Variants in PTPN11 observed in about 807,000 individuals in gnomAD.
PTPN11 encodes protein tyrosine phosphatase non-receptor type 11.
Under a neutral mutation model 78.8 loss-of-function variants are expected in PTPN11, and 6 were observed. The ratio of observed to expected loss-of-function variants is 0.08; its 90% CI spans 0.04 to 0.15. The LOEUF is 0.15. PTPN11 is among the 10% of genes least tolerant of loss of function. The pLI, the probability that PTPN11 is intolerant of heterozygous loss-of-function variation, is 1.00. For synonymous variants in PTPN11, 221 were observed against 263.5 expected (o/e 0.84, Z 1.56); for missense variants, 386 against 744.8 (o/e 0.52, Z 5.61).
chr12:112,481,868 C>T (rs1264923169), intron 9 of PTPN11, among the ~76,000 whole-genome samples: 1 of 152,182 alleles, frequency 6.6e-6, no homozygotes, highest in Non-Finnish European at 1.5e-5. Context: ...AGCTGCCTTT[C>T]TCCTCCCACT....
At position 112,504,916 on chromosome 12, in the gene PTPN11, G is replaced by T. The variant is rs2038915467; in HGVS notation, c.*32+120G>T. The T allele has an allele frequency of 1.5e-6, 1 of 667,386 alleles. No individual in the cohort carries two copies. 41.3% of individuals were successfully genotyped at this position (667,386 alleles called of 1,614,324 possible). On this transcript the variant is annotated intron_variant, in intron 15 of 15. Coordinates refer to ENST00000351677, the MANE Select transcript of PTPN11 (RefSeq NM_002834.5). This position sits in a 1 kb window ranked among gnomAD's most constrained non-coding sequence, Gnocchi z 4.7. ...ACCATAATTGAGTTTTACAAACCAGGCTCCTTTTTCCTCTCCCTGTACTTC... is the reference window on the plus strand; with the variant it reads ...ACCATAATTGAGTTTTACAAACCAGTCTCCTTTTTCCTCTCCCTGTACTTC...
intron 6 of PTPN11, among the ~76,000 whole-genome samples, 162 bp from the exon 7 acceptor site, chr12:112,472,782 T>G (rs1431417713): frequency 2.0e-5 from 3 of 152,210 alleles, no homozygotes; most frequent in Admixed American, 2.0e-4. Flanking sequence ...ATTACAGGTG[T>G]AAGCCATCAC....
At chr12:112,442,579 G>A (rs1389544480) in intron 1 of PTPN11, among the ~76,000 whole-genome samples, 2 of 151,492 alleles carry the variant, frequency 1.3e-5, no homozygotes, top group Non-Finnish European at 2.9e-5. Flanking sequence ...AGCCCCCTGA[G>A]TAGTTGGGAC....
chr12:112,478,459 C>T (rs750186216), intron 9 of PTPN11, among the ~76,000 whole-genome samples: 31 of 151,958 alleles, frequency 2.0e-4, no homozygotes, highest in South Asian at 1.0e-3. Flanking sequence ...AGCAGTCATA[C>T]GTGTATTAGA....
chr12:112,482,842 GGT>G lies in PTPN11; in HGVS notation c.1224+639_1224+640del. ...AGAGGTTTGAGTCTGAGCGGACAGTGGTGCTGTGGCAGACACCACAAAAGCTG... is the reference window on the plus strand; with the variant it reads ...AGAGGTTTGAGTCTGAGCGGACAGTGGCTGTGGCAGACACCACAAAAGCTG... On this transcript the variant is annotated intron_variant, in intron 10 of 15. Transcript: ENST00000351677. The surrounding 1 kb of genome is among the most constrained non-coding windows in gnomAD (Gnocchi z 4.4). Among the ~76,000 whole-genome samples, 1 of 152,182 alleles carries G rather than the reference GGT, an allele frequency of 6.6e-6. No individual in the cohort carries two copies. The highest frequency in any genetic ancestry group is 6.5e-5 in the Admixed American group (1 of 15,270).
chr12:112,451,447 A>G (rs1297777275), intron 3 of PTPN11, among the ~76,000 whole-genome samples: 1 of 152,218 alleles, frequency 6.6e-6, no homozygotes, highest in Non-Finnish European at 1.5e-5. Flanking sequence ...AAGCCACTTT[A>G]TTATTAGAAC....
At chr12:112,494,525 C>T (rs554309392) in intron 13 of PTPN11, among the ~76,000 whole-genome samples, 8 of 152,258 alleles carry the variant, frequency 5.3e-5, no homozygotes, top group South Asian at 4.1e-4. Flanking sequence ...CTTTTCAGAT[C>T]GGGTACTCTG....
chr12:112,471,332 A>G (rs778471025), intron 6 of PTPN11, among the ~76,000 whole-genome samples: 15 of 149,782 alleles, frequency 1.0e-4, no homozygotes, highest in South Asian at 2.1e-4. Context: ...GTGATTTCCC[A>G]TTAAACACTA....
At chr12:112,469,358 G>A (rs2038378477) in intron 6 of PTPN11, among the ~76,000 whole-genome samples, 1 of 151,336 alleles carries the variant, frequency 6.6e-6, no homozygotes, top group South Asian at 2.1e-4. Context: ...ACACTTGCCT[G>A]TGTCTTTTTT....
chr12:112,465,071 G>A (rs1180210005), intron 6 of PTPN11, among the ~76,000 whole-genome samples: 1 of 152,198 alleles, frequency 6.6e-6, no homozygotes, highest in African/African-American at 2.4e-5. Context: ...CCTGCAATGT[G>A]TGTGTTATTG....
intron 1 of PTPN11, among the ~76,000 whole-genome samples, chr12:112,443,276 T>A (rs1468836199): frequency 6.6e-6 from 1 of 152,152 alleles, no homozygotes; most frequent in Non-Finnish European, 1.5e-5. Context: ...CATTAATGCA[T>A]TGTGTTACTT....
At chr12:112,440,965 C>CTTTTT (rs376303682) in intron 1 of PTPN11, among the ~76,000 whole-genome samples, 32 of 131,504 alleles carry the variant, frequency 2.4e-4, no homozygotes, top group East Asian at 4.4e-4. Context: ...CTTTTCTTTT[C>CTTTTT]TTTTTTTTTT....
intron 1 of PTPN11, among the ~76,000 whole-genome samples, chr12:112,422,761 C>G (rs535657870): frequency 5.9e-5 from 9 of 152,288 alleles, no homozygotes; most frequent in African/African-American, 2.2e-4. Context: ...TAGAGTTGCT[C>G]AAGTGCAGAG....
Position 112,506,986 on chromosome 12 carries a change from T to C in PTPN11, c.*1194T>C. 1 of 261,962 alleles carries C rather than the reference T, an allele frequency of 3.8e-6. No homozygotes were observed. The highest frequency in any genetic ancestry group is 7.7e-6 in the Non-Finnish European group (1 of 130,208). The allele number at this position is 261,962 out of a possible 1,614,324, so 16.2% of individuals were successfully genotyped here. A position where few individuals can be genotyped will look rare whatever the true frequency, so the allele number is the denominator to read the frequency against. On this transcript the variant is annotated 3_prime_UTR_variant, in exon 16 of 16. Coordinates refer to ENST00000351677, the MANE Select transcript of PTPN11 (RefSeq NM_002834.5). ...ATGATGATGATGATGATGATGATGATGATGATGGTTTTTTCTAATCAGAAG... is the reference window on the plus strand; with the variant it reads ...ATGATGATGATGATGATGATGATGACGATGATGGTTTTTTCTAATCAGAAG...
chr12:112,490,304 C>A (rs192709343), intron 13 of PTPN11, among the ~76,000 whole-genome samples: 2 of 128,736 alleles, frequency 1.6e-5, no homozygotes, highest in Admixed American at 8.2e-5. Flanking sequence ...TCAGGGATGT[C>A]TTTTTTTTTT....
At chr12:112,490,637 A>G (rs917755134) in intron 13 of PTPN11, among the ~76,000 whole-genome samples, 6 of 151,952 alleles carry the variant, frequency 3.9e-5, no homozygotes, top group Admixed American at 3.3e-4. Flanking sequence ...TGTAGAGACA[A>G]GGTCTCACTG....
chr12:112,485,793 A>G (rs886081036), intron 10 of PTPN11, among the ~76,000 whole-genome samples: 56 of 152,210 alleles, frequency 3.7e-4, no homozygotes, highest in African/African-American at 1.3e-3. Flanking sequence ...CCTGGCCAAT[A>G]TGGCGAAAGA....
chr12:112,439,579 C>A (rs1279975242), intron 1 of PTPN11, among the ~76,000 whole-genome samples: 1 of 152,022 alleles, frequency 6.6e-6, no homozygotes, highest in Admixed American at 6.6e-5. Flanking sequence ...GGTGATTCTC[C>A]TGCCTCAGCC....
At chr12:112,427,585 A>G (rs1566155084) in intron 1 of PTPN11, among the ~76,000 whole-genome samples, 2 of 151,344 alleles carry the variant, frequency 1.3e-5, no homozygotes, top group African/African-American at 2.4e-5. Context: ...CTATATCTAT[A>G]TAGATATAGA....
Sources: gnomAD v4.1 joint callset for allele counts (sites outside exome capture counted in the v4.1 genomes callset) on GRCh38, gnomAD v4.1.1 for gene constraint, Gnocchi (gnomAD v3.1) non-coding constraint, MANE v1.5 for transcripts, NCBI Gene and HGNC (gene_info 2026-07-23, HGNC 2026-07-21) for gene names.